Variants in IL4R observed in about 807,000 individuals in gnomAD.
The protein encoded by IL4R is interleukin-4 receptor subunit alpha.
Under a neutral mutation model 41.5 loss-of-function variants are expected in IL4R, and 17 were observed. That is an observed-to-expected ratio of 0.41 (90% CI 0.28 to 0.61). The LOEUF is 0.61. Among genes scored for constraint, IL4R ranks in the 20% least tolerant of loss-of-function variants. IL4R has a pLI of 0.31. For missense variants in IL4R, 974 were observed against 1,043.1 expected (o/e 0.93, Z 0.91); for synonymous variants, 402 against 422.9 (o/e 0.95, Z 0.61).
chr16:27,335,584 A>G (rs2085240038), intron 2 of IL4R, among the ~76,000 whole-genome samples: 1 of 152,122 alleles, frequency 6.6e-6, no homozygotes, highest in Non-Finnish European at 1.5e-5. Context: ...CTTTAACTCC[A>G]AGGGTTACAA....
chr16:27,357,779 TAG>T (rs3024652), intron 8 of IL4R, among the ~76,000 whole-genome samples: 5,945 of 152,240 alleles, frequency 0.039, 371 homozygotes, highest in African/African-American at 0.13. Flanking sequence ...TTACATTTTG[TAG>T]AGACTGGCTG....
rs115977088 is a variant in IL4R, at chr16:27,319,488, G to C, written c.-152+5468G>C. 4.6e-3 allele frequency among the ~76,000 whole-genome samples: 697 copies of C among 152,258 alleles called. 3 individuals carry two copies. Among genetic ancestry groups the C allele is most frequent in the South Asian group, 0.018 (87 of 4,822 alleles). On this transcript the variant is annotated intron_variant, in intron 1 of 10. Transcript: ENST00000395762. ...ATGCCTGAGTGCTGAAGACACACCT[G>C]CCATTTAGATCGATCCACTTTTTTA...
At position 27,340,219 on chromosome 16, in the gene IL4R, T is replaced by C. The variant is rs1404481261; in HGVS notation, c.16T>C (p.Ser6Pro). The C allele has an allele frequency of 3.1e-6, 5 of 1,613,880 alleles. No individual in the cohort carries two copies. The highest frequency in any genetic ancestry group is 3.4e-6 in the Non-Finnish European group (4 of 1,179,962). MGWLC[S>P]GLLFPVSCLV... Reference sequence around the variant, plus strand: ...GCATCTCCCAATGGGGTGGCTTTGCTCTGGGCTCCTGTTCCCTGTGAGCTG... The same window carrying C: ...GCATCTCCCAATGGGGTGGCTTTGCCCTGGGCTCCTGTTCCCTGTGAGCTG... The change falls in exon 3 of 11, where the codon TCT becomes CCT. Residue 6 changes from serine (S) to proline (P), a missense_variant. Coordinates refer to ENST00000395762, the MANE Select transcript of IL4R (RefSeq NM_000418.4).
chr16:27,362,885 A>C lies in IL4R; in HGVS notation c.1533A>C (p.Arg511Ser), dbSNP rs761048965. 3 of 1,614,134 alleles carry C rather than the reference A, an allele frequency of 1.9e-6. No homozygotes were observed. The highest frequency in any genetic ancestry group is 2.5e-6 in the Non-Finnish European group (3 of 1,180,032). The change falls in exon 11 of 11, where the codon AGA becomes AGC. Residue 511 changes from arginine to serine, a missense_variant. Transcript: ENST00000395762. ...SNSLSQSPCP[R>S]ELGPDPLLAR... ...CCCTGAGCCAGTCACCGTGTCCCAG[A>C]GAGCTGGGTCCAGACCCACTGCTGG...
chr16:27,362,008 A>T (rs999074194), intron 10 of IL4R, among the ~76,000 whole-genome samples: 1 of 152,120 alleles, frequency 6.6e-6, no homozygotes, highest in African/African-American at 2.4e-5. Context: ...TACTCAACAG[A>T]TCTGAGCTTG....
At chr16:27,355,271 A>C (rs190447074) in intron 7 of IL4R, 21 of 287,640 alleles carry the variant, frequency 7.3e-5, no homozygotes, top group Admixed American at 4.7e-4. Context: ...GTGTCGGGGA[A>C]AACTTTTTGG....
chr16:27,319,759 G>A (rs2084757030), intron 1 of IL4R, among the ~76,000 whole-genome samples: 5 of 152,130 alleles, frequency 3.3e-5, no homozygotes, highest in Admixed American at 3.3e-4. Context: ...CCCATCGCTC[G>A]CATTACCACC....
rs55988941 is a variant in IL4R at position 27,358,957 on chromosome 16, G to T, written c.812G>T (p.Arg271Leu). ...TGGGATCAGATTCCCAACCCAGCCC[G>T]CAGCCGCCTCGTGGCTATAATAATC... ...EWWDQIPNPA[R>L]SRLVAIIIQD... Residue 271 changes from arginine (R) to leucine (L), a missense_variant, in exon 9 of 11, where the codon CGC becomes CTC. Arg to Leu is a moderately radical substitution (Grantham distance 102). This residue lies in a region of IL4R where 682 missense variants were observed against 704.3 expected (regional missense o/e 0.97). Transcript: ENST00000395762. 1 of 1,613,908 alleles carries T rather than the reference G, an allele frequency of 6.2e-7. No individual in the cohort carries two copies. The highest frequency in any genetic ancestry group is 8.5e-7 in the Non-Finnish European group (1 of 1,179,794).
intron 1 of IL4R, among the ~76,000 whole-genome samples, chr16:27,314,518 A>C (rs1051872575): frequency 2.0e-5 from 3 of 152,150 alleles, no homozygotes; most frequent in African/African-American, 7.2e-5. Context: ...ATTGACTGGG[A>C]CTTGTTTTAC....
At chr16:27,317,198 C>A (rs1333909325) in intron 1 of IL4R, among the ~76,000 whole-genome samples, 1 of 152,216 alleles carries the variant, frequency 6.6e-6, no homozygotes, top group Admixed American at 6.5e-5. Context: ...GCAAACGTGC[C>A]TGGCCTAAAT....
At chr16:27,344,826 C>G (rs770243204) in intron 4 of IL4R, 43 bp from the exon 5 acceptor site, 12 of 1,606,644 alleles carry the variant, frequency 7.5e-6, no homozygotes, top group Non-Finnish European at 1.0e-5. Context: ...GGGGCCCAGC[C>G]AGCCTACAGG....
At chr16:27,355,249 A>G (rs1212800140) in intron 7 of IL4R, 3 of 284,688 alleles carry the variant, frequency 1.1e-5, no homozygotes, top group Admixed American at 4.3e-5. Flanking sequence ...GCAGGGGGCA[A>G]CGGTAGGGAG....
chr16:27,360,907 TC>T, intron 10 of IL4R, 92 bp downstream of exon 10: 1 of 1,610,030 alleles, frequency 6.2e-7, no homozygotes, highest in Non-Finnish European at 8.5e-7. Flanking sequence ...TGCCTTCTCT[TC>T]CCTGCATTCG....
intron 1 of IL4R, among the ~76,000 whole-genome samples, chr16:27,327,939 C>G: frequency 6.6e-6 from 1 of 151,954 alleles, no homozygotes; most frequent in East Asian, 1.9e-4. Context: ...AGGCCAGGTG[C>G]GGTAGCTCAT....
intron 1 of IL4R, among the ~76,000 whole-genome samples, chr16:27,320,534 C>T (rs1465090304): frequency 2.0e-5 from 3 of 152,130 alleles, no homozygotes; most frequent in Admixed American, 6.5e-5. Flanking sequence ...GGTGACACGG[C>T]TCCTAAGTGG....
At chr16:27,337,464 C>A (rs1289648004) in intron 2 of IL4R, among the ~76,000 whole-genome samples, 1 of 152,082 alleles carries the variant, frequency 6.6e-6, no homozygotes, top group Admixed American at 6.6e-5. Context: ...CTGGGAGCTG[C>A]TTTTTTGAAT....
chr16:27,341,890 T>G, intron 3 of IL4R: 1 of 497,340 alleles, frequency 2.0e-6, no homozygotes, highest in Non-Finnish European at 3.6e-6. Flanking sequence ...ACTTGGTTCG[T>G]TCTTGTCTAA....
chr16:27,362,863 T>C lies in IL4R; in HGVS notation c.1511T>C (p.Leu504Pro). The C allele has an allele frequency of 6.2e-7, 1 of 1,614,130 alleles. No homozygotes were observed. Among genetic ancestry groups the C allele is most frequent in the Non-Finnish European group, 8.5e-7 (1 of 1,180,032 alleles). Residue 504 changes from leucine to proline, a missense_variant, in exon 11 of 11, where the codon CTG becomes CCG. Physicochemically the swap from Leu to Pro is moderately conservative, Grantham distance 98 (BLOSUM62 -3). This residue lies in a region of IL4R where 682 missense variants were observed against 704.3 expected (regional missense o/e 0.97). Coordinates refer to ENST00000395762, the MANE Select transcript of IL4R (RefSeq NM_000418.4). Reference protein sequence around the residue: ...NPAYRSFSNSLSQSPCPRELG... With the variant: ...NPAYRSFSNSPSQSPCPRELG... Reference sequence around the variant, plus strand: ...GCTTACCGCAGCTTCAGCAACTCCCTGAGCCAGTCACCGTGTCCCAGAGAG... The same window carrying C: ...GCTTACCGCAGCTTCAGCAACTCCCCGAGCCAGTCACCGTGTCCCAGAGAG...
In IL4R at chr16:27,362,309, A is replaced by C. The variant is rs763604791; in HGVS notation, c.957A>C (p.Lys319Asn). 2 of 1,614,046 alleles carry C rather than the reference A, an allele frequency of 1.2e-6. No homozygotes were observed. The highest frequency in any genetic ancestry group is 1.7e-6 in the Non-Finnish European group (2 of 1,180,018). The change falls in exon 11 of 11, where the codon AAA (lysine) becomes AAC (asparagine). Residue 319 changes from lysine to asparagine, a missense_variant. Physicochemically the swap from Lys to Asn is moderately conservative, Grantham distance 94. Transcript: ENST00000395762. ...CCTGTTTTCTGGAGCACAACATGAA[A>C]AGGGATGAAGATCCTCACAAGGCTG... ...LLPCFLEHNM[K>N]RDEDPHKAAK...
Sources: gnomAD v4.1 joint callset for allele counts (sites outside exome capture counted in the v4.1 genomes callset) on GRCh38, gnomAD v4.1.1 for gene constraint, gnomAD v4.1.1 regional missense constraint, MANE v1.5 for transcripts, NCBI Gene and HGNC (gene_info 2026-07-23, HGNC 2026-07-21) for gene names.